Variants in DPP10 observed in about 807,000 individuals in gnomAD.
DPP10 encodes the protein dipeptidyl peptidase like 10.
In DPP10, 33 loss-of-function variants were observed where a neutral mutation model predicts 120.9. The observed-to-expected ratio is 0.27, with a 90% CI of 0.21 to 0.37. The LOEUF (loss-of-function observed/expected upper bound fraction) is 0.37, where lower values mean the gene tolerates loss of function less well. Among genes scored for constraint, DPP10 ranks in the 10% least tolerant of loss-of-function variants. DPP10 has a pLI of 1.00. For missense variants in DPP10, 816 were observed against 942.8 expected (o/e 0.87, Z 1.76); for synonymous variants, 337 against 326.1 (o/e 1.03, Z -0.36).
intron 5 of DPP10, among the ~76,000 whole-genome samples, chr2:115,685,015 G>T (rs191615222): frequency 1.4e-4 from 22 of 152,010 alleles, no homozygotes; most frequent in Non-Finnish European, 2.9e-4. Flanking sequence ...AGATTAAATC[G>T]CAAAGTGGAT....
At chr2:115,327,636 G>A (rs1367121877) in intron 2 of DPP10, among the ~76,000 whole-genome samples, 2 of 151,934 alleles carry the variant, frequency 1.3e-5, no homozygotes, top group East Asian at 1.9e-4. Context: ...TGTTCTATGA[G>A]AAACAATGTG....
intron 13 of DPP10, among the ~76,000 whole-genome samples, chr2:115,773,494 C>G (rs1681723424): frequency 6.6e-6 from 1 of 152,010 alleles, no homozygotes; most frequent in Non-Finnish European, 1.5e-5. Context: ...GCTTTTTAGT[C>G]TGAAATTAAA....
intron 10 of DPP10, chr2:115,749,987 G>A: frequency 7.1e-6 from 7 of 985,348 alleles, no homozygotes; most frequent in Non-Finnish European, 8.4e-6. Context: ...CTCTGTCTCT[G>A]TGGCTCAAGA....
At chr2:114,461,847 T>C (rs1374108211) in intron 1 of DPP10, 1 of 985,188 alleles carries the variant, frequency 1.0e-6, no homozygotes, top group Non-Finnish European at 1.2e-6. Context: ...CTTCAACCTT[T>C]AGCTATAAGA....
At chr2:115,091,524 G>A (rs749387804) in intron 1 of DPP10, among the ~76,000 whole-genome samples, 87 of 151,764 alleles carry the variant, frequency 5.7e-4, no homozygotes, top group Non-Finnish European at 1.1e-3. Context: ...CACTCTCCTC[G>A]CCTTCTCCCC....
chr2:115,332,866 C>T (rs561311626), intron 2 of DPP10, among the ~76,000 whole-genome samples: 17 of 151,962 alleles, frequency 1.1e-4, no homozygotes, highest in African/African-American at 2.2e-4. Flanking sequence ...ATTTTGGAAT[C>T]GGTGTGGTGT....
chr2:115,001,829 G>A (rs1432751830), intron 1 of DPP10, among the ~76,000 whole-genome samples: 1 of 152,086 alleles, frequency 6.6e-6, no homozygotes, highest in African/African-American at 2.4e-5. Context: ...AACCAGGGAG[G>A]CGAAAGACCT....
rs1230663083 is a variant in DPP10 at position 114,816,938 on chromosome 2, ATTG to A, written c.60+374108_60+374110del. Among the ~76,000 whole-genome samples, 5 of 152,306 alleles carry A rather than the reference ATTG, an allele frequency of 3.3e-5. No homozygotes were observed. In the East Asian group the frequency reaches 9.6e-4, roughly 29 times the overall value. ...CCTGTATGAAACAAGGTAGTTTTTT[ATTG>A]TTGTTGTCTGCGCATGATATAGACT... On this transcript the variant is annotated intron_variant, in intron 1 of 25. Transcript: ENST00000410059.
At chr2:115,163,324 C>G (rs890419447) in intron 1 of DPP10, among the ~76,000 whole-genome samples, 150 of 152,280 alleles carry the variant, frequency 9.9e-4, no homozygotes, top group African/African-American at 3.5e-3. Context: ...CTTGCGGTTT[C>G]TTTTCTCCTC....
chr2:115,125,904 A>C (rs1490118697), intron 1 of DPP10, among the ~76,000 whole-genome samples: 1 of 152,108 alleles, frequency 6.6e-6, no homozygotes, highest in African/African-American at 2.4e-5. Context: ...TTAAACATGT[A>C]TTTAAATTAG....
intron 1 of DPP10, among the ~76,000 whole-genome samples, chr2:115,229,130 G>A (rs1289297951): frequency 2.0e-5 from 3 of 152,122 alleles, no homozygotes. Context: ...GATGATCAGT[G>A]ATGTTGAGCA....
chr2:115,743,202 T>C (rs1677504811), intron 9 of DPP10, among the ~76,000 whole-genome samples: 1 of 151,988 alleles, frequency 6.6e-6, no homozygotes, highest in Admixed American at 6.6e-5. Flanking sequence ...ATATTAAAAT[T>C]TACAAATGAA....
intron 10 of DPP10, among the ~76,000 whole-genome samples, chr2:115,746,945 G>A (rs921964343): frequency 3.9e-5 from 6 of 152,102 alleles, no homozygotes; most frequent in Non-Finnish European, 5.9e-5. Context: ...TGATGATATC[G>A]ATAATCAGGG....
intron 1 of DPP10, among the ~76,000 whole-genome samples, chr2:114,682,269 T>A (rs1219705088): frequency 6.6e-6 from 1 of 151,928 alleles, no homozygotes; most frequent in East Asian, 1.9e-4. Context: ...ATTATGAATT[T>A]GAAATTAGCC....
At chr2:115,328,551 T>C (rs1419015024) in intron 2 of DPP10, among the ~76,000 whole-genome samples, 1 of 152,094 alleles carries the variant, frequency 6.6e-6, no homozygotes, top group East Asian at 1.9e-4. Flanking sequence ...GTATAAGATA[T>C]ACCAGAAATT....
At chr2:115,731,161 C>T (rs1262043312) in intron 8 of DPP10, among the ~76,000 whole-genome samples, 2 of 152,092 alleles carry the variant, frequency 1.3e-5, no homozygotes, top group Non-Finnish European at 1.5e-5. Flanking sequence ...AGATTGAGAC[C>T]ATCCTGGCCA....
rs558702823 is a variant in DPP10 at position 115,124,639 on chromosome 2, T to C, written c.61-184600T>C. On this transcript the variant is annotated intron_variant, in intron 1 of 25. Transcript: ENST00000410059. Reference sequence around the variant, plus strand: ...AAGATCAAATCCCATGTTTATGCAATTTCCTAATACCTAGAATTATAGCCA... The same window carrying C: ...AAGATCAAATCCCATGTTTATGCAACTTCCTAATACCTAGAATTATAGCCA... Among the ~76,000 whole-genome samples the C allele has an allele frequency of 5.9e-5, 9 of 152,332 alleles. No homozygotes were observed. The South Asian group carries it at 8.3e-4, about 14-fold the overall frequency.
At chr2:115,102,216 G>C (rs1346652820) in intron 1 of DPP10, among the ~76,000 whole-genome samples, 1 of 152,130 alleles carries the variant, frequency 6.6e-6, no homozygotes, top group Non-Finnish European at 1.5e-5. Context: ...GAGTGATAGA[G>C]AGCTCTGGTC....
intron 3 of DPP10, among the ~76,000 whole-genome samples, chr2:115,404,441 C>G (rs1003146186): frequency 1.3e-5 from 2 of 152,102 alleles, no homozygotes; most frequent in Non-Finnish European, 2.9e-5. Context: ...GGACAACATC[C>G]AAACTATATC....
Sources: allele counts gnomAD v4.1 joint callset (sites outside exome capture counted in the v4.1 genomes callset), GRCh38; gene constraint gnomAD v4.1.1; transcripts MANE v1.5; gene names NCBI Gene and HGNC (gene_info 2026-07-23, HGNC 2026-07-21).